DGKB: variants seen among roughly 807,000 people sequenced by gnomAD.
DGKB encodes 90 kDa diacylglycerol kinase.
A neutral mutation model predicts 114.3 loss-of-function variants in DGKB; 67 were observed. That is an observed-to-expected ratio of 0.59 (90% CI 0.48 to 0.72). The LOEUF is 0.72. DGKB is among the 30% of genes least tolerant of loss of function. The pLI is 0.00. For missense variants in DGKB, 907 were observed against 975.2 expected, an observed-to-expected ratio of 0.93 and a Z score of 0.93; for synonymous variants, 398 against 323.1, an observed-to-expected ratio of 1.23 and a Z score of -2.49.
At chr7:14,777,742 C>T (rs1838419652) in intron 2 of DGKB, among the ~76,000 whole-genome samples, 1 of 152,176 alleles carries the variant, frequency 6.6e-6, no homozygotes, top group African/African-American at 2.4e-5. Context: ...TGGACTAATA[C>T]ATACACATTT....
At chr7:14,741,527 A>C (rs1832583200) in intron 4 of DGKB, among the ~76,000 whole-genome samples, 1 of 152,084 alleles carries the variant, frequency 6.6e-6, no homozygotes, top group Admixed American at 6.6e-5. Flanking sequence ...CCGCTATTTT[A>C]CGGTGGCAGC....
intron 23 of DGKB, among the ~76,000 whole-genome samples, chr7:14,323,564 GA>G (rs1444702916): frequency 6.6e-6 from 1 of 152,116 alleles, no homozygotes; most frequent in African/African-American, 2.4e-5. Context: ...TGTTTTCAGT[GA>G]CCTGAAAGAA....
intron 2 of DGKB, among the ~76,000 whole-genome samples, chr7:14,817,419 T>A (rs1043007458): frequency 1.3e-5 from 2 of 152,186 alleles, no homozygotes; most frequent in East Asian, 3.8e-4. Context: ...TCTAGCCAGA[T>A]GCTATGATAT....
At chr7:14,529,539 T>C (rs1791212779) in intron 20 of DGKB, among the ~76,000 whole-genome samples, 2 of 151,698 alleles carry the variant, frequency 1.3e-5, no homozygotes, top group East Asian at 1.9e-4. Flanking sequence ...AACTCTAAAA[T>C]GAAAAATGGA....
chr7:14,331,707 C>G (rs1809746720), intron 23 of DGKB, among the ~76,000 whole-genome samples: 1 of 152,094 alleles, frequency 6.6e-6, no homozygotes, highest in Non-Finnish European at 1.5e-5. Context: ...GACATGGGAG[C>G]TAGAAATCAT....
At chr7:14,278,335 C>A (rs1384336625) in intron 23 of DGKB, among the ~76,000 whole-genome samples, 1 of 152,106 alleles carries the variant, frequency 6.6e-6, no homozygotes, top group Non-Finnish European at 1.5e-5. Context: ...TAGAAATAAA[C>A]CCATATATTT....
At chr7:14,739,469 A>T (rs183859314) in intron 4 of DGKB, among the ~76,000 whole-genome samples, 1 of 152,294 alleles carries the variant, frequency 6.6e-6, no homozygotes, top group African/African-American at 2.4e-5. Flanking sequence ...TGGAAACCCG[A>T]ATGCAGGACC....
At chr7:14,943,348 T>C (rs1247781928) in intron 1 of DGKB, among the ~76,000 whole-genome samples, 1 of 151,858 alleles carries the variant, frequency 6.6e-6, no homozygotes, top group South Asian at 2.1e-4. Flanking sequence ...AAAACCTCTA[T>C]AATTAAAAGT....
chr7:14,775,057 T>C (rs1045550948), intron 2 of DGKB, among the ~76,000 whole-genome samples: 6 of 152,150 alleles, frequency 3.9e-5, no homozygotes, highest in African/African-American at 1.4e-4. Context: ...ATGACTACTA[T>C]TATCACTGCA....
chr7:14,597,214 A>C (rs1802731837), intron 17 of DGKB, among the ~76,000 whole-genome samples: 3 of 152,226 alleles, frequency 2.0e-5, no homozygotes, highest in Admixed American at 6.5e-5. Context: ...TCTCAAAAAA[A>C]ACCATGAATA....
At chr7:14,171,394 A>G (rs1032803742) in intron 25 of DGKB, among the ~76,000 whole-genome samples, 2 of 152,190 alleles carry the variant, frequency 1.3e-5, no homozygotes, top group South Asian at 2.1e-4. Flanking sequence ...CAAAATACCC[A>G]GAGTAATTTT....
chr7:14,720,104 GCACA>G (rs897616269), intron 5 of DGKB, among the ~76,000 whole-genome samples: 6 of 138,648 alleles, frequency 4.3e-5, no homozygotes, highest in Admixed American at 7.3e-5. Context: ...ACGCACGCAC[GCACA>G]CACACGCACA....
chr7:14,892,704 G>T (rs529833505), intron 1 of DGKB, among the ~76,000 whole-genome samples: 7 of 151,086 alleles, frequency 4.6e-5, no homozygotes, highest in East Asian at 3.9e-4. Context: ...TCTCCACCTT[G>T]TTCAAACTCT....
At chr7:14,366,807 C>A (rs147582728) in intron 21 of DGKB, among the ~76,000 whole-genome samples, 1 of 152,048 alleles carries the variant, frequency 6.6e-6, no homozygotes, top group African/African-American at 2.4e-5. Flanking sequence ...CTTCAATTTT[C>A]TTCAAAGATT....
At chr7:14,576,097 GA>G (rs1799083620) in intron 19 of DGKB, among the ~76,000 whole-genome samples, 1 of 152,078 alleles carries the variant, frequency 6.6e-6, no homozygotes, top group African/African-American at 2.4e-5. Context: ...CATAAACATT[GA>G]AAATATTAAA....
At chr7:14,676,345 A>G (rs2128956358) in intron 12 of DGKB, among the ~76,000 whole-genome samples, 1 of 152,252 alleles carries the variant, frequency 6.6e-6, no homozygotes, top group South Asian at 2.1e-4. Flanking sequence ...AGAATGAATA[A>G]GACCTACTAT....
chr7:14,237,387 A>T (rs1263919644), intron 23 of DGKB, among the ~76,000 whole-genome samples: 2 of 150,392 alleles, frequency 1.3e-5, no homozygotes, highest in East Asian at 2.0e-4. Context: ...TGGTTTGTGT[A>T]TTGTCCTTTA....
At chr7:14,908,261 C>A (rs1783812351), upstream of DGKB, among the ~76,000 whole-genome samples, 2 of 152,246 alleles carry the variant, frequency 1.3e-5, no homozygotes, top group Non-Finnish European at 2.9e-5. Context: ...ACTAGTTCTT[C>A]TATACCCACT....
At chr7:14,833,725 T>A (rs941569968) in intron 2 of DGKB, among the ~76,000 whole-genome samples, 1 of 152,116 alleles carries the variant, frequency 6.6e-6, no homozygotes, top group African/African-American at 2.4e-5. Flanking sequence ...AATATGTCTA[T>A]ACACCAACAC....
Sources: allele counts gnomAD v4.1 joint callset (sites outside exome capture counted in the v4.1 genomes callset), GRCh38; gene constraint gnomAD v4.1.1; transcripts MANE v1.5; gene names NCBI Gene and HGNC (gene_info 2026-07-23, HGNC 2026-07-21).